Variants in MAGI1 observed in about 807,000 individuals in gnomAD.
MAGI1 encodes membrane associated guanylate kinase, WW and PDZ domain containing 1.
Under a neutral mutation model 139.9 loss-of-function variants are expected in MAGI1, and 58 were observed. That is an observed-to-expected ratio of 0.41 (90% CI 0.34 to 0.52). MAGI1 has a LOEUF of 0.52. Ranked by LOEUF, MAGI1 falls within the 20% of genes least tolerant of loss-of-function variation. The pLI is 0.12. For synonymous variants in MAGI1, 812 were observed against 737.9 expected, an observed-to-expected ratio of 1.10 and a Z score of -1.63; for missense variants, 1,874 against 1,901.6, an observed-to-expected ratio of 0.99 and a Z score of 0.27.
chr3:65,508,028 A>G (rs1013819738), intron 2 of MAGI1, among the ~76,000 whole-genome samples: 1 of 152,208 alleles, frequency 6.6e-6, no homozygotes, highest in African/African-American at 2.4e-5. Context: ...CTTTACCCAC[A>G]CTGACTTTAA....
chr3:66,026,645 G>A (rs1184212432), intron 1 of MAGI1, among the ~76,000 whole-genome samples: 3 of 151,622 alleles, frequency 2.0e-5, no homozygotes, highest in Admixed American at 6.6e-5. Flanking sequence ...GTGACTCTTT[G>A]AAATAATGAA....
chr3:65,753,033 A>G (rs2036276469), intron 1 of MAGI1, among the ~76,000 whole-genome samples: 1 of 152,116 alleles, frequency 6.6e-6, no homozygotes, highest in Non-Finnish European at 1.5e-5. Flanking sequence ...AGTCTTCCTG[A>G]CCATTTTGAC....
At chr3:65,888,747 A>C (rs2060626938) in intron 1 of MAGI1, among the ~76,000 whole-genome samples, 1 of 152,142 alleles carries the variant, frequency 6.6e-6, no homozygotes, top group South Asian at 2.1e-4. Flanking sequence ...AAAAAAGAAA[A>C]AAGCCAGAAG....
intron 2 of MAGI1, among the ~76,000 whole-genome samples, chr3:65,607,700 C>A (rs1348592886): frequency 2.0e-5 from 3 of 152,098 alleles, no homozygotes; most frequent in Non-Finnish European, 4.4e-5. Context: ...TTATCTTATT[C>A]TCTCTTTTTG....
chr3:65,482,946 G>T (rs1302536319), intron 3 of MAGI1, among the ~76,000 whole-genome samples: 1 of 152,204 alleles, frequency 6.6e-6, no homozygotes, highest in Admixed American at 6.5e-5. Context: ...TTTCTGCAGA[G>T]AAATTTTTGC....
At chr3:65,372,966 TATCAG>T (rs1942149499) in intron 18 of MAGI1, among the ~76,000 whole-genome samples, 1 of 152,210 alleles carries the variant, frequency 6.6e-6, no homozygotes, top group Admixed American at 6.5e-5. Context: ...ACTTTCTCCA[TATCAG>T]CAATAAGGCT....
intron 1 of MAGI1, among the ~76,000 whole-genome samples, chr3:65,779,606 A>G (rs264114): frequency 0.39 from 59,547 of 152,164 alleles, 12,813 homozygotes; most frequent in South Asian, 0.5. Flanking sequence ...CTAATTTGAT[A>G]GCCTCTGCCC....
intron 2 of MAGI1, among the ~76,000 whole-genome samples, chr3:65,505,602 G>A (rs1454978582): frequency 3.3e-5 from 5 of 150,776 alleles, no homozygotes; most frequent in Admixed American, 6.6e-5. Flanking sequence ...AGCCATGATC[G>A]TGCCACTGCA....
At chr3:65,967,431 G>A (rs183958393) in intron 1 of MAGI1, among the ~76,000 whole-genome samples, 4 of 152,280 alleles carry the variant, frequency 2.6e-5, no homozygotes, top group African/African-American at 9.6e-5. Context: ...ATGTCAGGAT[G>A]AAAGGATTTC....
intron 1 of MAGI1, among the ~76,000 whole-genome samples, chr3:65,989,826 A>ACTG (rs2066071972): frequency 6.6e-6 from 1 of 152,250 alleles, no homozygotes; most frequent in South Asian, 2.1e-4. Flanking sequence ...GGCATGAGCC[A>ACTG]CTGCACCTGA....
chr3:65,454,298 G>A (rs1269066961), intron 5 of MAGI1, among the ~76,000 whole-genome samples: 2 of 150,704 alleles, frequency 1.3e-5, no homozygotes, highest in Non-Finnish European at 2.9e-5. Context: ...ACCAAACACC[G>A]CATATTCTCA....
chr3:65,591,227 C>G (rs1298515603), intron 2 of MAGI1, among the ~76,000 whole-genome samples: 2 of 152,118 alleles, frequency 1.3e-5, no homozygotes. Context: ...TGATCTTAAA[C>G]TAAGAGATGA....
chr3:65,417,530 A>T (rs1321331277), intron 12 of MAGI1, among the ~76,000 whole-genome samples: 5 of 140,212 alleles, frequency 3.6e-5, no homozygotes, highest in Non-Finnish European at 6.4e-5. Context: ...TTTTTTTTTT[A>T]AAGCATAAAT....
chr3:65,809,099 A>G (rs2108182239), intron 1 of MAGI1, among the ~76,000 whole-genome samples: 1 of 152,328 alleles, frequency 6.6e-6, no homozygotes, highest in East Asian at 1.9e-4. Flanking sequence ...CACAGGGCCC[A>G]TGGGTAGGTT....
chr3:65,524,048 G>A (rs1693126938), intron 2 of MAGI1, among the ~76,000 whole-genome samples: 1 of 151,960 alleles, frequency 6.6e-6, no homozygotes, highest in South Asian at 2.1e-4. Flanking sequence ...AGAAAGGGAA[G>A]GAAAGCAAGA....
chr3:65,575,190 T>C (rs1408699301), intron 2 of MAGI1, among the ~76,000 whole-genome samples: 1 of 152,070 alleles, frequency 6.6e-6, no homozygotes, highest in Non-Finnish European at 1.5e-5. Flanking sequence ...TCAGAATCTA[T>C]AGAGTTCCAA....
chr3:66,037,923 T>G (rs2069031623), intron 1 of MAGI1, 73 bp downstream of exon 1: 79 of 1,509,218 alleles, frequency 5.2e-5, no homozygotes, highest in Non-Finnish European at 6.9e-5. Flanking sequence ...AAGCAGGAAA[T>G]CGAGAATAAG....
At chr3:65,389,808 T>C (rs888219875) in intron 14 of MAGI1, among the ~76,000 whole-genome samples, 6 of 152,216 alleles carry the variant, frequency 3.9e-5, no homozygotes, top group Admixed American at 6.5e-5. Context: ...AGTGAACTTG[T>C]AGCCAAAACA....
intron 2 of MAGI1, among the ~76,000 whole-genome samples, chr3:65,602,161 C>T (rs2082513679): frequency 2.0e-5 from 3 of 152,078 alleles, no homozygotes; most frequent in African/African-American, 7.2e-5. Flanking sequence ...GGCAGTTTCT[C>T]AAAAAGTTAA....
Sources: allele counts gnomAD v4.1 joint callset (sites outside exome capture counted in the v4.1 genomes callset), GRCh38; gene constraint gnomAD v4.1.1; transcripts MANE v1.5; gene names NCBI Gene and HGNC (gene_info 2026-07-23, HGNC 2026-07-21).